The following AZI2 variants were observed in gnomAD, a reference collection of about 807,000 sequenced individuals.
AZI2 encodes the protein 5-azacytidine-induced protein 2.
In AZI2, 22 loss-of-function variants were observed where a neutral mutation model predicts 45.8. The ratio of observed to expected loss-of-function variants is 0.48; its 90% CI spans 0.34 to 0.69. AZI2 has a LOEUF of 0.69. Among genes scored for constraint, AZI2 ranks in the 30% least tolerant of loss-of-function variants. The pLI is 0.01. For synonymous variants in AZI2, 137 were observed against 156.7 expected (o/e 0.87, Z 0.94); for missense variants, 417 against 441.5 (o/e 0.94, Z 0.50).
At chr3:28,346,283 C>G (rs956244882) in intron 1 of AZI2, among the ~76,000 whole-genome samples, 1 of 152,056 alleles carries the variant, frequency 6.6e-6, no homozygotes, top group Non-Finnish European at 1.5e-5. Context: ...CAAAATTTTC[C>G]CACCTATACA....
chr3:28,348,184 G>A (rs1704339615), intron 1 of AZI2: 1 of 152,174 alleles, frequency 6.6e-6, no homozygotes, highest in Non-Finnish European at 1.5e-5. Flanking sequence ...ATCAAGTGCA[G>A]GGGGTCGATA....
intron 5 of AZI2, among the ~76,000 whole-genome samples, chr3:28,336,522 T>G (rs1271318104): frequency 6.6e-6 from 1 of 152,006 alleles, no homozygotes; most frequent in African/African-American, 2.4e-5. Context: ...AAAACAAAAT[T>G]GTATAATTTT....
At chr3:28,335,382 C>A (rs925293235) in intron 5 of AZI2, among the ~76,000 whole-genome samples, 2 of 151,858 alleles carry the variant, frequency 1.3e-5, no homozygotes, top group African/African-American at 4.8e-5. Context: ...TGAAAAGAGG[C>A]TTCTCAGTGG....
At chr3:28,324,621 A>C (rs931604969) in intron 7 of AZI2, 167 bp from the exon 8 acceptor site, 1 of 532,506 alleles carries the variant, frequency 1.9e-6, no homozygotes, top group African/African-American at 1.9e-5. Context: ...AGATGATCTG[A>C]GTTTTAATCC....
intron 4 of AZI2, among the ~76,000 whole-genome samples, chr3:28,337,291 C>T (rs756850388): frequency 2.0e-5 from 3 of 152,148 alleles, no homozygotes; most frequent in Non-Finnish European, 4.4e-5. Flanking sequence ...TATCCTTAAA[C>T]ATTCCACTGC....
At position 28,336,762 on chromosome 3, in the gene AZI2, A is replaced by G. The variant is rs1703808475; in HGVS notation, c.563T>C (p.Ile188Thr). 7 of 1,613,188 alleles carry G rather than the reference A, an allele frequency of 4.3e-6. No individual in the cohort carries two copies. The highest frequency in any genetic ancestry group is 1.1e-5 in the South Asian group (1 of 90,990). Residue 188 changes from isoleucine to threonine, a missense_variant, in exon 5 of 8, where the codon ATA becomes ACA. Coordinates refer to ENST00000479665, the MANE Select transcript of AZI2 (RefSeq NM_022461.5). ...CGTTTGTTTGGCTTTCTGTAGTTCTATTTTGAGATCGCTACATTCTTTCCT... is the reference window on the plus strand; with the variant it reads ...CGTTTGTTTGGCTTTCTGTAGTTCTGTTTTGAGATCGCTACATTCTTTCCT... ...LMRKECSDLK[I>T]ELQKAKQTDP...
At chr3:28,347,100 C>T (rs1704271443) in intron 1 of AZI2, among the ~76,000 whole-genome samples, 1 of 152,136 alleles carries the variant, frequency 6.6e-6, no homozygotes, top group Non-Finnish European at 1.5e-5. Context: ...ATCTACTATA[C>T]ATTCAATGTT....
intron 6 of AZI2, among the ~76,000 whole-genome samples, chr3:28,327,565 T>C (rs933431511): frequency 1.3e-5 from 2 of 151,080 alleles, no homozygotes; most frequent in African/African-American, 4.8e-5. Flanking sequence ...AAAAAGAAGC[T>C]AGAGAGGGAA....
At chr3:28,333,269 G>A (rs1406081110) in intron 5 of AZI2, among the ~76,000 whole-genome samples, 1 of 151,674 alleles carries the variant, frequency 6.6e-6, no homozygotes, top group African/African-American at 2.4e-5. Context: ...AGAGTAAAAT[G>A]TGAAAAATAC....
At position 28,323,067 on chromosome 3, in the gene AZI2, T is replaced by C. The variant is rs1703239281; in HGVS notation, c.*975A>G. On this transcript the variant is annotated 3_prime_UTR_variant, in exon 8 of 8. Transcript: ENST00000479665. ...GACAATATCAATACAGCCCAAACCCTGATTTCTATGATTAAAAATAATAAT... is the reference window on the plus strand; with the variant it reads ...GACAATATCAATACAGCCCAAACCCCGATTTCTATGATTAAAAATAATAAT... The C allele has an allele frequency of 6.6e-6, 1 of 151,112 alleles. No individual in the cohort carries two copies. Among genetic ancestry groups the C allele is most frequent in the Non-Finnish European group, 1.5e-5 (1 of 67,362 alleles). The allele number at this position is 151,112 out of a possible 1,614,324, so 9.4% of individuals were successfully genotyped here.
rs1257239019 is a variant in AZI2, at chr3:28,324,295, A to C, written c.926T>G (p.Val309Gly). Residue 309 changes from valine (V) to glycine (G), a missense_variant, in exon 8 of 8, where the codon GTT becomes GGT. Val to Gly is a moderately radical substitution (Grantham distance 109). Transcript: ENST00000479665. ...TSSPLPGDVK[V>G]LSEKAILQSW... ...TTGGAGGATTGCTTTCTCTGATAAAACCTTTACATCTCCTGGTAAAGGGGA... is the reference window on the plus strand; with the variant it reads ...TTGGAGGATTGCTTTCTCTGATAAACCCTTTACATCTCCTGGTAAAGGGGA... The C allele has an allele frequency of 6.2e-7, 1 of 1,607,730 alleles. No individual in the cohort carries two copies. Among genetic ancestry groups the C allele is most frequent in the South Asian group, 1.1e-5 (1 of 90,704 alleles).
chr3:28,323,924 A>C lies in AZI2; in HGVS notation c.*118T>G, dbSNP rs1703277616. ...TTGTACAGTGTGTTCAAATATAGAT[A>C]CTGAAGACCTCTGCAAAATTTTAAT... On this transcript the variant is annotated 3_prime_UTR_variant, in exon 8 of 8. Transcript: ENST00000479665. The C allele has an allele frequency of 5.1e-6, 6 of 1,177,752 alleles. No homozygotes were observed. The East Asian group carries it at 1.2e-4, about 24-fold the overall frequency. 73.0% of individuals were successfully genotyped at this position (1,177,752 alleles called of 1,614,324 possible).
rs1703891651 is a variant in AZI2, at chr3:28,338,614, A to G, written c.218T>C (p.Leu73Pro). ...KKRIRFLEEK[L>P]IARFEEETSS... ...TGTTTCTTCTTCAAATCGAGCTATT[A>G]GCTAACGGTATGAAATTAGAAGAGA... is the stretch of plus-strand genomic sequence containing the variant. Residue 73 changes from leucine to proline, a missense_variant and splice_region_variant, in exon 3 of 8, where the codon CTA (leucine) becomes CCA (proline). Coordinates refer to ENST00000479665, the MANE Select transcript of AZI2 (RefSeq NM_022461.5). 7 of 1,607,766 alleles carry G rather than the reference A, an allele frequency of 4.4e-6. No individual in the cohort carries two copies. Among genetic ancestry groups the G allele is most frequent in the Admixed American group, 3.3e-5 (2 of 59,772 alleles).
At chr3:28,344,437 A>G (rs940874973) in intron 1 of AZI2, among the ~76,000 whole-genome samples, 5 of 152,068 alleles carry the variant, frequency 3.3e-5, no homozygotes, top group African/African-American at 1.2e-4. Context: ...CTGTTAGCAA[A>G]GTAAAAAGTA....
chr3:28,329,906 GTTCT>G (rs1005173101), intron 6 of AZI2, among the ~76,000 whole-genome samples: 3 of 151,142 alleles, frequency 2.0e-5, no homozygotes, highest in East Asian at 1.9e-4. Context: ...GTATTGGTGT[GTTCT>G]TTCTGACTTA....
chr3:28,335,056 T>C (rs992257124), intron 5 of AZI2, among the ~76,000 whole-genome samples: 2 of 152,022 alleles, frequency 1.3e-5, no homozygotes, highest in Non-Finnish European at 1.5e-5. Context: ...GTAAATGAAG[T>C]TGGTTTAGAA....
chr3:28,335,939 A>G (rs994501034), intron 5 of AZI2, among the ~76,000 whole-genome samples: 13 of 152,140 alleles, frequency 8.5e-5, no homozygotes, highest in African/African-American at 3.1e-4. Flanking sequence ...TATTTGCACC[A>G]GACTACTAAG....
chr3:28,344,274 A>T (rs1443207522), intron 1 of AZI2, among the ~76,000 whole-genome samples: 2 of 152,168 alleles, frequency 1.3e-5, no homozygotes, highest in African/African-American at 4.8e-5. Context: ...ATATGAAATC[A>T]CAAGCATGAG....
At position 28,326,707 on chromosome 3, in the gene AZI2, G is replaced by A. The variant is rs1040484086; in HGVS notation, c.766+125C>T. 5.0e-5 allele frequency: 40 copies of A among 793,512 alleles called. 1 individual carries two copies. Among genetic ancestry groups the A allele is most frequent in the South Asian group, 4.7e-4 (34 of 72,836 alleles). 49.2% of individuals were successfully genotyped at this position (793,512 alleles called of 1,614,324 possible). ...CCAAAGCAGAGAATGGGTAGGCTGC[G>A]AATGTACTATATATACTTTGGCTTA... On this transcript the variant is annotated intron_variant, in intron 7 of 7. Transcript: ENST00000479665.
Sources: gnomAD v4.1 joint callset for allele counts (sites outside exome capture counted in the v4.1 genomes callset) on GRCh38, gnomAD v4.1.1 for gene constraint, MANE v1.5 for transcripts, NCBI Gene and HGNC (gene_info 2026-07-23, HGNC 2026-07-21) for gene names.